AGTPBP1: variants seen among roughly 807,000 people sequenced by gnomAD.
AGTPBP1 encodes cytosolic carboxypeptidase 1.
AGTPBP1 carries 70 observed loss-of-function variants against 143.9 expected under a neutral mutation model. That is an observed-to-expected ratio of 0.49 (90% CI 0.40 to 0.59). The LOEUF (loss-of-function observed/expected upper bound fraction) is 0.59. AGTPBP1 is among the 20% of genes least tolerant of loss of function. AGTPBP1 has a pLI of 0.00. For synonymous variants in AGTPBP1, 463 were observed against 500.2 expected (o/e 0.93, Z 0.99); for missense variants, 1,229 against 1,464.5 (o/e 0.84, Z 2.62).
Position 85,633,237 on chromosome 9 carries a change from G to GTTA in AGTPBP1, c.1439_1440insTAA (p.Asn480dup). The stretch of plus-strand genomic sequence containing the variant: ...CACCTTCATCTCCTTTAGAAGATAT[G>GTTA]TTCTCCTTCATTACAACTTTTCTTA... On this transcript the variant is annotated inframe_insertion, in exon 14 of 26. Coordinates refer to ENST00000357081, the MANE Select transcript of AGTPBP1 (RefSeq NM_001330701.2). The GTTA allele has an allele frequency of 6.2e-7, 1 of 1,613,886 alleles. No individual in the cohort carries two copies. Among genetic ancestry groups the GTTA allele is most frequent in the African/African-American group, 1.3e-5 (1 of 74,986 alleles).
At chr9:85,610,317 G>C (rs924725182) in intron 17 of AGTPBP1, among the ~76,000 whole-genome samples, 1 of 152,018 alleles carries the variant, frequency 6.6e-6, no homozygotes. Context: ...GGGGTAAGAG[G>C]GGGTGATGGA....
At position 85,575,887 on chromosome 9, in the gene AGTPBP1, T is replaced by A. The variant is rs150039241; in HGVS notation, c.3343-412A>T. 4.0e-3 allele frequency among the ~76,000 whole-genome samples: 615 copies of A among 152,286 alleles called. 4 individuals carry two copies. Among genetic ancestry groups the A allele is most frequent in the African/African-American group, 0.011 (474 of 41,568 alleles). ...TATAGTATTAAAATCAAGGCTCCAA[T>A]ATGTACATTTGAACATTACTTTATA... is the stretch of plus-strand genomic sequence containing the variant. On this transcript the variant is annotated intron_variant, in intron 24 of 25. Transcript: ENST00000357081.
Position 85,741,937 on chromosome 9 carries a change from C to T in AGTPBP1, c.-196G>A. ...GGCGGCGGCAGCTGCGGCGGCGGCGCTGGAGGCGGCGGAACCTGTCCGCAT... is the reference window on the plus strand; with the variant it reads ...GGCGGCGGCAGCTGCGGCGGCGGCGTTGGAGGCGGCGGAACCTGTCCGCAT... On this transcript the variant is annotated 5_prime_UTR_variant, in exon 1 of 26. Coordinates refer to ENST00000357081, the MANE Select transcript of AGTPBP1 (RefSeq NM_001330701.2). The T allele has an allele frequency of 1.5e-6, 2 of 1,305,266 alleles. No homozygotes were observed. Among genetic ancestry groups the T allele is most frequent in the Non-Finnish European group, 1.9e-6 (2 of 1,030,426 alleles). The allele number at this position is 1,305,266 out of a possible 1,614,324, so 80.9% of individuals were successfully genotyped here.
In AGTPBP1 at chr9:85,654,170, G is replaced by A. The variant is rs114399793; in HGVS notation, c.1087+973C>T. Among the ~76,000 whole-genome samples, 1,486 of 151,330 alleles carry A rather than the reference G, an allele frequency of 9.8e-3. 20 individuals carry two copies. Among genetic ancestry groups the A allele is most frequent in the African/African-American group, 0.033 (1,355 of 41,186 alleles). On this transcript the variant is annotated intron_variant, in intron 11 of 25. Transcript: ENST00000357081. ...TTTTACATATAAATAAAGAATCTTC[G>A]TTTTTTTTCTCAAAAAAGTAATAAA... is the stretch of plus-strand genomic sequence containing the variant.
At chr9:85,701,227 T>G in intron 2 of AGTPBP1, among the ~76,000 whole-genome samples, 1 of 150,662 alleles carries the variant, frequency 6.6e-6, no homozygotes, top group Non-Finnish European at 1.5e-5. Context: ...TTTTTTATTT[T>G]TATTTTTTAA....
intron 13 of AGTPBP1, among the ~76,000 whole-genome samples, chr9:85,637,072 G>A (rs529094592): frequency 7.4e-6 from 1 of 134,792 alleles, no homozygotes; most frequent in African/African-American, 2.8e-5. Context: ...ACAGAGTTTC[G>A]CTCTTGTTGC....
In AGTPBP1 at chr9:85,589,416, G is replaced by C. The variant is rs571508226; in HGVS notation, c.2722+112C>G. ...AGATAATAGCAGGGCCAAGACTAGA[G>C]CCCAAGTCTTCTGATGTCTGTTCCT... On this transcript the variant is annotated intron_variant, in intron 20 of 25. Coordinates refer to ENST00000357081, the MANE Select transcript of AGTPBP1 (RefSeq NM_001330701.2). 4 of 1,375,618 alleles carry C rather than the reference G, an allele frequency of 2.9e-6. No individual in the cohort carries two copies. The South Asian group carries it at 6.2e-5, about 21-fold the overall frequency. The allele number at this position is 1,375,618 out of a possible 1,614,324, so 85.2% of individuals were successfully genotyped here. A position where few individuals can be genotyped will look rare whatever the true frequency, so the allele number is the denominator to read the frequency against.
At chr9:85,559,394 A>G (rs1826552734) in intron 25 of AGTPBP1, among the ~76,000 whole-genome samples, 1 of 152,018 alleles carries the variant, frequency 6.6e-6, no homozygotes, top group South Asian at 2.1e-4. Context: ...TAACAAAAGC[A>G]TTTATTTCTG....
chr9:85,556,432 TA>T (rs1169468245), intron 25 of AGTPBP1, among the ~76,000 whole-genome samples: 3 of 151,942 alleles, frequency 2.0e-5, no homozygotes, highest in African/African-American at 7.2e-5. Flanking sequence ...GAAAAAAACA[TA>T]AAACAAGTGA....
At chr9:85,552,208 C>T (rs1448692122) in intron 25 of AGTPBP1, among the ~76,000 whole-genome samples, 2 of 152,192 alleles carry the variant, frequency 1.3e-5, no homozygotes, top group Non-Finnish European at 2.9e-5. Flanking sequence ...AGGATGAATG[C>T]ATTGAAATTC....
chr9:85,741,896 G>C lies in AGTPBP1; in HGVS notation c.-155C>G. The C allele has an allele frequency of 7.4e-7, 1 of 1,357,616 alleles. No homozygotes were observed. Among genetic ancestry groups the C allele is most frequent in the Non-Finnish European group, 9.5e-7 (1 of 1,057,020 alleles). 84.1% of individuals were successfully genotyped at this position (1,357,616 alleles called of 1,614,324 possible). On this transcript the variant is annotated 5_prime_UTR_variant, in exon 1 of 26. Coordinates refer to ENST00000357081, the MANE Select transcript of AGTPBP1 (RefSeq NM_001330701.2). The stretch of plus-strand genomic sequence containing the variant: ...GTTTTCATACAAACCCCGGTGGCAG[G>C]CGAGGCGGAGGCGGCGGCGGCGGCA...
In AGTPBP1 at chr9:85,672,674, T is replaced by C. The variant is rs748888097; in HGVS notation, c.444A>G (p.Lys148=). Residue 148 remains lysine, a synonymous_variant, in exon 7 of 26, where the codon AAA becomes AAG. Transcript: ENST00000357081. Reference sequence around the variant, plus strand: ...CATTAATTCTAGCCTTTACTCCAAATTTTTTATCTGTTTAAAAAAAAAAAA... The same window carrying C: ...CATTAATTCTAGCCTTTACTCCAAACTTTTTATCTGTTTAAAAAAAAAAAA... The part of the protein sequence containing the change: ...ILAKIGPKDK[K]FGVKARINGA... 1.3e-6 allele frequency: 2 copies of C among 1,588,458 alleles called. No individual in the cohort carries two copies. The highest frequency in any genetic ancestry group is 1.4e-5 in the African/African-American group (1 of 73,058).
intron 25 of AGTPBP1, among the ~76,000 whole-genome samples, chr9:85,572,643 A>G (rs911152628): frequency 2.0e-5 from 3 of 152,238 alleles, no homozygotes; most frequent in Non-Finnish European, 2.9e-5. Flanking sequence ...ATAGTTGTGA[A>G]GTATTAGTAA....
intron 2 of AGTPBP1, among the ~76,000 whole-genome samples, chr9:85,695,632 A>G (rs1024315101): frequency 6.6e-6 from 1 of 152,208 alleles, no homozygotes; most frequent in African/African-American, 2.4e-5. Flanking sequence ...ATGAGTGTAC[A>G]TCATCTTAAT....
At chr9:85,581,820 A>T (rs1381028363) in intron 23 of AGTPBP1, among the ~76,000 whole-genome samples, 2 of 152,224 alleles carry the variant, frequency 1.3e-5, no homozygotes, top group African/African-American at 2.4e-5. Context: ...TAACTTCAAT[A>T]AAAAAATCCA....
chr9:85,564,491 C>A (rs1298930167), intron 25 of AGTPBP1, among the ~76,000 whole-genome samples: 1 of 152,214 alleles, frequency 6.6e-6, no homozygotes, highest in African/African-American at 2.4e-5. Context: ...AATGATGTTT[C>A]AGTCAACGAT....
the AGTPBP1 span, among the ~76,000 whole-genome samples, chr9:85,751,130 A>G: frequency 6.6e-6 from 1 of 152,088 alleles, no homozygotes; most frequent in Non-Finnish European, 1.5e-5. Context: ...TGATACCTTT[A>G]CTTATCATCC....
the AGTPBP1 span, among the ~76,000 whole-genome samples, chr9:85,749,971 T>C: frequency 1.3e-5 from 2 of 151,664 alleles, no homozygotes; most frequent in East Asian, 2.0e-4. Context: ...AAGCTCTGCC[T>C]CCCAGGTTCA....
rs549299241 is a variant in AGTPBP1, at chr9:85,642,505, T to A, written c.1302+322A>T. ...CACCACACCCAGCTAATTTTTTTTT[T>A]TATATTTTAGTAGTGACGGGGTTTC... On this transcript the variant is annotated intron_variant, in intron 13 of 25. Transcript: ENST00000357081. 3.2e-4 allele frequency among the ~76,000 whole-genome samples: 49 copies of A among 152,068 alleles called. No individual in the cohort carries two copies. In the East Asian group the frequency reaches 6.0e-3, roughly 19 times the overall value.
Sources: allele counts gnomAD v4.1 joint callset (sites outside exome capture counted in the v4.1 genomes callset), GRCh38; gene constraint gnomAD v4.1.1; transcripts MANE v1.5; gene names NCBI Gene and HGNC (gene_info 2026-07-23, HGNC 2026-07-21).